Variants in LARGE1 observed in about 807,000 individuals in gnomAD.
LARGE1 encodes xylosyl- and glucuronyltransferase LARGE1.
LARGE1 carries 43 observed loss-of-function variants against 87.6 expected under a neutral mutation model. That is an observed-to-expected ratio of 0.49 (90% confidence interval 0.38 to 0.63). The LOEUF is 0.63. LARGE1 is among the 30% of genes least tolerant of loss of function. The pLI is 0.00. For missense variants in LARGE1, 802 were observed against 1,000.2 expected (o/e 0.80, Z 2.67); for synonymous variants, 434 against 394.6 (o/e 1.10, Z -1.18).
At chr22:33,406,854 A>C (rs1332377772) in intron 7 of LARGE1, among the ~76,000 whole-genome samples, 1 of 150,964 alleles carries the variant, frequency 6.6e-6, no homozygotes, top group Non-Finnish European at 1.5e-5. Flanking sequence ...GTGCAATGGC[A>C]CGATCTTGGC....
chr22:33,744,073 A>G (rs983025005), intron 2 of LARGE1: 3 of 152,214 alleles, frequency 2.0e-5, no homozygotes, highest in Admixed American at 1.3e-4. Context: ...TTTACTGAGC[A>G]ACAACTATGT....
chr22:33,705,217 G>A (rs564029537), intron 2 of LARGE1, among the ~76,000 whole-genome samples: 2 of 152,302 alleles, frequency 1.3e-5, no homozygotes, highest in South Asian at 4.1e-4. Flanking sequence ...GGGCACTGCT[G>A]AAGCCTCAAT....
chr22:33,566,337 GA>G (rs1207134876), intron 5 of LARGE1, among the ~76,000 whole-genome samples: 1 of 152,114 alleles, frequency 6.6e-6, no homozygotes, highest in Non-Finnish European at 1.5e-5. Flanking sequence ...TGTTAAAGGG[GA>G]AAAAAGCAAG....
chr22:33,428,058 A>G (rs993764317), intron 7 of LARGE1, among the ~76,000 whole-genome samples: 1 of 152,206 alleles, frequency 6.6e-6, no homozygotes, highest in Non-Finnish European at 1.5e-5. Flanking sequence ...AGGTAGCTGG[A>G]TTACACCTGG....
chr22:33,493,866 A>G (rs1484136863), intron 6 of LARGE1, among the ~76,000 whole-genome samples: 2 of 152,206 alleles, frequency 1.3e-5, no homozygotes, highest in Non-Finnish European at 2.9e-5. Flanking sequence ...GACTCCTGAC[A>G]TAATTAAGAG....
chr22:33,629,705 G>A (rs1055527535), intron 3 of LARGE1, among the ~76,000 whole-genome samples: 63 of 152,176 alleles, frequency 4.1e-4, no homozygotes, highest in Admixed American at 3.9e-3. Flanking sequence ...TGACTTTAGG[G>A]CTTGAAGCTA....
At chr22:33,598,044 T>C (rs1122904) in intron 5 of LARGE1, among the ~76,000 whole-genome samples, 12,935 of 152,138 alleles carry the variant, frequency 0.085, 678 homozygotes, top group African/African-American at 0.14. Context: ...CTTAATATAC[T>C]GGTTCTTCAG....
intron 2 of LARGE1, among the ~76,000 whole-genome samples, chr22:33,728,791 A>G: frequency 6.6e-6 from 1 of 152,252 alleles, no homozygotes; most frequent in East Asian, 1.9e-4. Flanking sequence ...ACACTCAATA[A>G]TTATCAAGTC....
chr22:33,418,195 C>A (rs184142022), intron 7 of LARGE1, among the ~76,000 whole-genome samples: 2 of 152,280 alleles, frequency 1.3e-5, no homozygotes, highest in East Asian at 3.9e-4. Context: ...GATCCACCCG[C>A]CTCGGCCTCC....
chr22:33,229,934 A>G (rs893025704), intron 11 of LARGE1, among the ~76,000 whole-genome samples: 1 of 151,720 alleles, frequency 6.6e-6, no homozygotes, highest in African/African-American at 2.4e-5. Flanking sequence ...TTAGATTGAC[A>G]GCAGAGTCTC....
intron 3 of LARGE1, among the ~76,000 whole-genome samples, chr22:33,641,718 C>A (rs558295665): frequency 6.6e-6 from 1 of 152,204 alleles, no homozygotes; most frequent in Non-Finnish European, 1.5e-5. Context: ...AAAAACACAG[C>A]ACGAGAACTT....
At chr22:33,090,981 G>A in the LARGE1 span, among the ~76,000 whole-genome samples, 8 of 152,176 alleles carry the variant, frequency 5.3e-5, no homozygotes, top group Non-Finnish European at 7.4e-5. Flanking sequence ...GACATCTGTC[G>A]GCCTGTCATT....
chr22:33,281,349 T>C (rs1458410608), intron 13 of LARGE1, among the ~76,000 whole-genome samples: 2 of 151,976 alleles, frequency 1.3e-5, no homozygotes, highest in Non-Finnish European at 2.9e-5. Flanking sequence ...AAAGTCTCAA[T>C]TCTGAGGAGC....
rs1054438764 is a variant in LARGE1 at position 33,912,856 on chromosome 22, G to A, written c.-83+7139C>T. Among the ~76,000 whole-genome samples the A allele has an allele frequency of 4.6e-4, 67 of 146,600 alleles. 2 individuals carry two copies. The highest frequency in any genetic ancestry group is 2.0e-4 in the East Asian group (1 of 4,976). ...AAGCATGTTTTTTTTTTTTTGAGAC[G>A]AAGTCTCACTGTTTCCAGGCTGGAG... On this transcript the variant is annotated intron_variant, in intron 1 of 14. Coordinates refer to ENST00000397394, the MANE Select transcript of LARGE1 (RefSeq NM_133642.5).
the LARGE1 span, among the ~76,000 whole-genome samples, chr22:33,148,860 G>A: frequency 1.3e-5 from 2 of 151,892 alleles, no homozygotes; most frequent in Non-Finnish European, 2.9e-5. Context: ...TACTATTTAT[G>A]TATCCTCTTT....
chr22:33,846,686 G>A (rs557808826), intron 1 of LARGE1, among the ~76,000 whole-genome samples: 1 of 152,280 alleles, frequency 6.6e-6, no homozygotes, highest in South Asian at 2.1e-4. Context: ...ACATGCCTGG[G>A]GGTATAGGTC....
intron 6 of LARGE1, among the ~76,000 whole-genome samples, chr22:33,500,015 C>A (rs1366963051): frequency 6.6e-6 from 1 of 152,198 alleles, no homozygotes; most frequent in Non-Finnish European, 1.5e-5. Flanking sequence ...CTCAGGTGAT[C>A]TGCCTGCCTC....
chr22:33,442,794 C>CTTTTTT (rs559941819), intron 6 of LARGE1, among the ~76,000 whole-genome samples: 1 of 140,186 alleles, frequency 7.1e-6, no homozygotes, highest in Non-Finnish European at 1.6e-5. Context: ...ATACTGATAG[C>CTTTTTT]TTTTTTTTTT....
chr22:33,536,543 C>A (rs1451678987), intron 6 of LARGE1, among the ~76,000 whole-genome samples: 1 of 152,224 alleles, frequency 6.6e-6, no homozygotes, highest in East Asian at 1.9e-4. Flanking sequence ...GAAACAAAGA[C>A]AAGTCAACAA....
Sources: allele counts gnomAD v4.1 joint callset (sites outside exome capture counted in the v4.1 genomes callset), GRCh38; gene constraint gnomAD v4.1.1; transcripts MANE v1.5; gene names NCBI Gene and HGNC (gene_info 2026-07-23, HGNC 2026-07-21).